The following TOP6BL variants were observed in gnomAD, a reference collection of about 807,000 sequenced individuals.
TOP6BL encodes TOP6B like initiator of meiotic double strand breaks.
At chr11:66,773,621 T>C in the TOP6BL span, among the ~76,000 whole-genome samples, 2 of 152,330 alleles carry the variant, frequency 1.3e-5, no homozygotes, top group East Asian at 3.9e-4. Context: ...TTTTATTCTT[T>C]CTTTTGCTCG....
the TOP6BL span, among the ~76,000 whole-genome samples, chr11:66,840,686 TCTCTC>T: frequency 3.9e-5 from 6 of 152,180 alleles, no homozygotes; most frequent in African/African-American, 1.4e-4. Context: ...CTCTGAAACT[TCTCTC>T]CTCAGGGAAG....
At chr11:66,812,947 A>G in the TOP6BL span, among the ~76,000 whole-genome samples, 590 of 152,306 alleles carry the variant, frequency 3.9e-3, 7 homozygotes, top group African/African-American at 0.014. Context: ...ACTAGTGCAG[A>G]GGTTAAGAAA....
the TOP6BL span, among the ~76,000 whole-genome samples, chr11:66,835,904 T>C: frequency 6.6e-6 from 1 of 152,224 alleles, no homozygotes; most frequent in Non-Finnish European, 1.5e-5. Flanking sequence ...CTTGGGTATA[T>C]ATCTAGGAGT....
At chr11:66,837,132 T>A in the TOP6BL span, among the ~76,000 whole-genome samples, 8 of 152,238 alleles carry the variant, frequency 5.3e-5, no homozygotes, top group East Asian at 1.4e-3. Flanking sequence ...TTTTATTTTA[T>A]TTTTATTTTC....
At chr11:66,775,094 C>A in the TOP6BL span, among the ~76,000 whole-genome samples, 2 of 114,278 alleles carry the variant, frequency 1.8e-5, no homozygotes, top group African/African-American at 6.8e-5. Flanking sequence ...GCCTGGGTGA[C>A]AGAGTGAGAC....
the TOP6BL span, among the ~76,000 whole-genome samples, chr11:66,841,341 C>G: frequency 6.6e-6 from 1 of 152,066 alleles, no homozygotes; most frequent in Non-Finnish European, 1.5e-5. Context: ...TGGTCTCAAT[C>G]TCCTGACCTC....
the TOP6BL span, among the ~76,000 whole-genome samples, chr11:66,837,608 C>A: frequency 6.6e-6 from 1 of 151,752 alleles, no homozygotes; most frequent in Non-Finnish European, 1.5e-5. Flanking sequence ...CCACAGCCAG[C>A]TAATTTTTGT....
chr11:66,784,112 G>C, the TOP6BL span, among the ~76,000 whole-genome samples: 1 of 151,906 alleles, frequency 6.6e-6, no homozygotes, highest in Non-Finnish European at 1.5e-5. Flanking sequence ...CTCACTGCAA[G>C]CTCCACCTCC....
chr11:66,754,243 AT>A, the TOP6BL span, among the ~76,000 whole-genome samples: 45 of 152,110 alleles, frequency 3.0e-4, no homozygotes, highest in Admixed American at 2.8e-3. Flanking sequence ...GTTCTGGGAG[AT>A]TTTCCCTTGC....
chr11:66,764,582 T>C, the TOP6BL span, among the ~76,000 whole-genome samples: 1 of 151,248 alleles, frequency 6.6e-6, no homozygotes, highest in African/African-American at 2.4e-5. Flanking sequence ...GGAGAATCGC[T>C]TGAACCTGGG....
the TOP6BL span, among the ~76,000 whole-genome samples, chr11:66,750,985 G>A: frequency 2.0e-5 from 3 of 151,310 alleles, no homozygotes; most frequent in Non-Finnish European, 2.9e-5. Flanking sequence ...GATTGCAGGT[G>A]TTAGCCACCA....
chr11:66,770,598 G>C, the TOP6BL span, among the ~76,000 whole-genome samples: 1 of 152,064 alleles, frequency 6.6e-6, no homozygotes, highest in South Asian at 2.1e-4. Flanking sequence ...CAGCTACTTG[G>C]GAGGCTGACC....
chr11:66,834,610 G>A, the TOP6BL span, among the ~76,000 whole-genome samples: 9 of 152,298 alleles, frequency 5.9e-5, no homozygotes, highest in African/African-American at 2.2e-4. Context: ...AAATGAGGGA[G>A]TGTGTATTCA....
At chr11:66,778,890 C>T in the TOP6BL span, among the ~76,000 whole-genome samples, 1 of 152,086 alleles carries the variant, frequency 6.6e-6, no homozygotes. Context: ...TTTGACAGAC[C>T]TGACAAAAAC....
chr11:66,757,669 C>T, the TOP6BL span, among the ~76,000 whole-genome samples: 1 of 152,176 alleles, frequency 6.6e-6, no homozygotes, highest in African/African-American at 2.4e-5. Context: ...TTACTGCAAC[C>T]TCTGCCTCCT....
chr11:66,815,624 G>A, the TOP6BL span: 120 of 157,690 alleles, frequency 7.6e-4, no homozygotes, highest in East Asian at 0.019. Flanking sequence ...GGTTCTATCC[G>A]ATACTGTTGT....
the TOP6BL span, among the ~76,000 whole-genome samples, chr11:66,775,277 T>C: frequency 2.0e-5 from 3 of 152,298 alleles, no homozygotes; most frequent in Non-Finnish European, 4.4e-5. Context: ...TTAAAAATGT[T>C]ATTTAATTTT....
the TOP6BL span, chr11:66,756,267 CAT>C: frequency 2.8e-6 from 3 of 1,063,256 alleles, no homozygotes; most frequent in South Asian, 2.4e-5. Context: ...CAGGACCTCT[CAT>C]GTGCCAGTGT....
chr11:66,766,281 G>T, the TOP6BL span, among the ~76,000 whole-genome samples: 2 of 152,076 alleles, frequency 1.3e-5, no homozygotes, highest in African/African-American at 4.8e-5. Context: ...TTGTATCAAG[G>T]TACTTTTTTC....
Sources: allele counts gnomAD v4.1 joint callset (sites outside exome capture counted in the v4.1 genomes callset), GRCh38; gene constraint gnomAD v4.1.1; transcripts MANE v1.5; gene names NCBI Gene and HGNC (gene_info 2026-07-23, HGNC 2026-07-21).